CASZ1: variants seen among roughly 807,000 people sequenced by gnomAD.
CASZ1 encodes the protein castor zinc finger 1.
Under a neutral mutation model 135.2 loss-of-function variants are expected in CASZ1, and 28 were observed. That is an observed-to-expected ratio of 0.21 (90% CI 0.15 to 0.28). The LOEUF (loss-of-function observed/expected upper bound fraction) is 0.28. CASZ1 is among the 10% of genes least tolerant of loss of function. CASZ1 has a pLI of 1.00. For synonymous variants in CASZ1, 1,068 were observed against 1,073.4 expected, an observed-to-expected ratio of 0.99 and a Z score of 0.10; for missense variants, 2,161 against 2,453.3, an observed-to-expected ratio of 0.88 and a Z score of 2.52.
intron 2 of CASZ1, among the ~76,000 whole-genome samples, chr1:10,708,506 T>G (rs2100450809): frequency 6.6e-6 from 1 of 152,300 alleles, no homozygotes; most frequent in African/African-American, 2.4e-5. Context: ...ACGTGAGCCC[T>G]TATGTGTGCA....
chr1:10,674,241 A>G (rs538607069), intron 4 of CASZ1, among the ~76,000 whole-genome samples: 2 of 152,322 alleles, frequency 1.3e-5, no homozygotes, highest in South Asian at 4.1e-4. Context: ...TTCCCCGGAG[A>G]TGGGAAGACC....
At chr1:10,648,595 A>G (rs573838618) in intron 15 of CASZ1, 13 of 195,316 alleles carry the variant, frequency 6.7e-5, no homozygotes, top group Non-Finnish European at 1.2e-4. Flanking sequence ...GAGTTCCCTT[A>G]TAAGTGGGCG....
At chr1:10,648,218 G>A in intron 15 of CASZ1, 79 bp from the exon 16 acceptor site, 1 of 1,040,484 alleles carries the variant, frequency 9.6e-7, no homozygotes, top group Non-Finnish European at 1.4e-6. Flanking sequence ...CCCCATCACA[G>A]GCCTAGACCC....
At chr1:10,742,802 G>T (rs937683374) in intron 2 of CASZ1, among the ~76,000 whole-genome samples, 4 of 152,052 alleles carry the variant, frequency 2.6e-5, no homozygotes, top group African/African-American at 4.8e-5. Context: ...CGGGCAACAT[G>T]GTGGAACCCT....
chr1:10,645,168 G>C (rs1642329281), intron 17 of CASZ1, 80 bp from the exon 18 acceptor site: 2 of 1,269,430 alleles, frequency 1.6e-6, no homozygotes, highest in Non-Finnish European at 2.2e-6. Flanking sequence ...AGGCTGTGGT[G>C]GGCCCTTGGC....
intron 18 of CASZ1, among the ~76,000 whole-genome samples, chr1:10,644,178 G>A (rs1431966254): frequency 1.3e-5 from 2 of 152,156 alleles, no homozygotes; most frequent in Non-Finnish European, 2.9e-5. Flanking sequence ...CCTCTGCTGG[G>A]CGGCCTGGCT....
intron 2 of CASZ1, among the ~76,000 whole-genome samples, chr1:10,749,498 C>T (rs57368136): frequency 0.037 from 5,685 of 152,222 alleles, 329 homozygotes; most frequent in African/African-American, 0.13. Context: ...CCACCCACCT[C>T]GGCCTCCCAA....
In CASZ1 at chr1:10,699,614, C is replaced by A. The variant is rs1224722710; in HGVS notation, c.-23-5702G>T. 6.6e-6 allele frequency among the ~76,000 whole-genome samples: 1 copy of A among 152,146 alleles called. No individual in the cohort carries two copies. The highest frequency in any genetic ancestry group is 1.5e-5 in the Non-Finnish European group (1 of 68,024). ...GCCAGGAGTGCCAGCAGGGGAGGCA[C>A]CCGCAAACAAAACAAAAACAAAAAA... On this transcript the variant is annotated intron_variant, in intron 3 of 20. Transcript: ENST00000377022. The surrounding 1 kb of genome is among the most constrained non-coding windows in gnomAD (Gnocchi z 4.6).
At chr1:10,749,218 C>T (rs1640103742) in intron 2 of CASZ1, among the ~76,000 whole-genome samples, 2 of 152,078 alleles carry the variant, frequency 1.3e-5, no homozygotes, top group Admixed American at 1.3e-4. Context: ...CACATGGCGG[C>T]TTCACATTCC....
intron 4 of CASZ1, among the ~76,000 whole-genome samples, chr1:10,692,754 C>G (rs188238025): frequency 7.6e-4 from 116 of 152,332 alleles, no homozygotes; most frequent in Admixed American, 1.7e-3. Context: ...TGCCCACTGA[C>G]CTTTAGAAGG....
intron 2 of CASZ1, among the ~76,000 whole-genome samples, chr1:10,752,382 C>T (rs1213683427): frequency 1.3e-5 from 2 of 152,212 alleles, no homozygotes. Context: ...AGATAGCAGC[C>T]TCACCAGGGA....
chr1:10,728,204 G>C (rs1293379096), intron 2 of CASZ1, among the ~76,000 whole-genome samples: 4 of 152,222 alleles, frequency 2.6e-5, no homozygotes, highest in African/African-American at 9.6e-5. Flanking sequence ...CTCTAGCCAA[G>C]CTCTGAATGG....
Position 10,657,668 on chromosome 1 carries a change from G to A in CASZ1, c.1409+840C>T, listed in dbSNP as rs1294604842. ...GATGGGGGTGGACAGAGACAGAGCA[G>A]GACAGGGGATCGGAGACAGAGTGGG... On this transcript the variant is annotated intron_variant, in intron 7 of 20. Coordinates refer to ENST00000377022, the MANE Select transcript of CASZ1 (RefSeq NM_001079843.3). The surrounding 1 kb of genome is among the most constrained non-coding windows in gnomAD (Gnocchi z 5.7). 6.6e-6 allele frequency among the ~76,000 whole-genome samples: 1 copy of A among 151,914 alleles called. No individual in the cohort carries two copies. Among genetic ancestry groups the A allele is most frequent in the East Asian group, 1.9e-4 (1 of 5,186 alleles).
intron 1 of CASZ1, among the ~76,000 whole-genome samples, chr1:10,763,944 T>C (rs1481629310): frequency 6.6e-6 from 1 of 152,166 alleles, no homozygotes; most frequent in East Asian, 1.9e-4. Flanking sequence ...TTCACTGTAA[T>C]CTCTGCCTCC....
rs1271935892 is a variant in CASZ1 at position 10,767,899 on chromosome 1, C to T, written c.-233-7042G>A. On this transcript the variant is annotated intron_variant, in intron 1 of 20. Coordinates refer to ENST00000377022, the MANE Select transcript of CASZ1 (RefSeq NM_001079843.3). The surrounding 1 kb of genome is among the most constrained non-coding windows in gnomAD (Gnocchi z 4.2). ...CTGGCATCACCCCAGTCCCCCAACG[C>T]CCACTCCAACCCTAGTCACAGGAGG... 6.6e-6 allele frequency among the ~76,000 whole-genome samples: 1 copy of T among 152,130 alleles called. No individual in the cohort carries two copies. Among genetic ancestry groups the T allele is most frequent in the Non-Finnish European group, 1.5e-5 (1 of 68,016 alleles).
intron 2 of CASZ1, among the ~76,000 whole-genome samples, chr1:10,746,885 C>T (rs1301895573): frequency 1.3e-5 from 2 of 152,258 alleles, no homozygotes; most frequent in African/African-American, 4.8e-5. Context: ...GCAAAGGATG[C>T]ACATGTCACC....
chr1:10,751,986 G>A (rs1640159071), intron 2 of CASZ1, among the ~76,000 whole-genome samples: 1 of 152,180 alleles, frequency 6.6e-6, no homozygotes, highest in Non-Finnish European at 1.5e-5. Flanking sequence ...ACCAGAGGGA[G>A]CAGTAAGGAC....
At chr1:10,682,504 G>C (rs1259416596) in intron 4 of CASZ1, among the ~76,000 whole-genome samples, 3 of 152,122 alleles carry the variant, frequency 2.0e-5, no homozygotes, top group Non-Finnish European at 4.4e-5. Flanking sequence ...AAGTTGAGTG[G>C]GGAAGAGGGA....
At chr1:10,663,380 G>A (rs946445019) in intron 5 of CASZ1, among the ~76,000 whole-genome samples, 1 of 150,730 alleles carries the variant, frequency 6.6e-6, no homozygotes, top group Non-Finnish European at 1.5e-5. Context: ...GGCACCCAGG[G>A]TGCACAGAGG....
Sources: allele counts gnomAD v4.1 joint callset (sites outside exome capture counted in the v4.1 genomes callset), GRCh38; gene constraint gnomAD v4.1.1; non-coding constraint Gnocchi (gnomAD v3.1); transcripts MANE v1.5; gene names NCBI Gene and HGNC (gene_info 2026-07-23, HGNC 2026-07-21).